MSI1: variants seen among roughly 807,000 people sequenced by gnomAD.
MSI1 encodes musashi RNA binding protein 1.
In MSI1, 15 loss-of-function variants were observed where a neutral mutation model predicts 54.4. The ratio of observed to expected loss-of-function variants is 0.28; its 90% CI spans 0.18 to 0.42. The LOEUF is 0.42. Among genes scored for constraint, MSI1 ranks in the 20% least tolerant of loss-of-function variants. The pLI is 1.00. For synonymous variants in MSI1, 200 were observed against 196.5 expected, an observed-to-expected ratio of 1.02 and a Z score of -0.15; for missense variants, 304 against 506.0, an observed-to-expected ratio of 0.60 and a Z score of 3.83.
intron 11 of MSI1, 143 bp downstream of exon 11, chr12:120,351,201 A>C (rs774229412): frequency 7.2e-6 from 6 of 832,942 alleles, no homozygotes; most frequent in Non-Finnish European, 1.2e-5. Context: ...GCCAGTGCCC[A>C]GGCACAGTCT....
At chr12:120,355,268 G>C (rs1159234395) in intron 9 of MSI1, among the ~76,000 whole-genome samples, 1 of 151,620 alleles carries the variant, frequency 6.6e-6, no homozygotes, top group African/African-American at 2.4e-5. Context: ...AGCTGGGCAC[G>C]GTGGCGGGCG....
chr12:120,369,050 G>A lies in MSI1; in HGVS notation c.42C>T (p.Asp14=). ...DAPQPGLASP[D]SPHDPCKMFI... is the part of the protein sequence containing the mutation. ...GGCCGTACCAGGGGTCGTGCGGCGA[G>A]TCCGGGGAGGCGAGGCCGGGCTGGG... Residue 14 remains aspartate, a synonymous_variant, in exon 1 of 15, where the codon GAC becomes GAT. Coordinates refer to ENST00000257552, the MANE Select transcript of MSI1 (RefSeq NM_002442.4). The A allele has an allele frequency of 9.7e-7, 1 of 1,031,350 alleles. No homozygotes were observed. Among genetic ancestry groups the A allele is most frequent in the Non-Finnish European group, 1.2e-6 (1 of 862,558 alleles). 63.9% of individuals were successfully genotyped at this position (1,031,350 alleles called of 1,614,324 possible). A position where few individuals can be genotyped will look rare whatever the true frequency, so the allele number is the denominator to read the frequency against.
intron 9 of MSI1, among the ~76,000 whole-genome samples, chr12:120,353,751 T>C (rs1430643406): frequency 6.6e-6 from 1 of 152,224 alleles, no homozygotes; most frequent in African/African-American, 2.4e-5. Flanking sequence ...GCTTCCTTGC[T>C]GTTTTTCAGC....
Position 120,368,492 on chromosome 12 carries a change from A to T in MSI1, c.101-219T>A, listed in dbSNP as rs1351959685. ...GAAGCCGAGGGCCGAGCTGGGCTGG[A>T]AGGGGGACGGCTCCGGCCGGGTTCC... On this transcript the variant is annotated intron_variant, in intron 2 of 14. Coordinates refer to ENST00000257552, the MANE Select transcript of MSI1 (RefSeq NM_002442.4). This position sits in a 1 kb window ranked among gnomAD's most constrained non-coding sequence, Gnocchi z 6.6. 6.6e-6 allele frequency among the ~76,000 whole-genome samples: 1 copy of T among 151,920 alleles called. No homozygotes were observed. Among genetic ancestry groups the T allele is most frequent in the Non-Finnish European group, 1.5e-5 (1 of 67,940 alleles).
At chr12:120,360,884 G>A (rs1328910174) in intron 6 of MSI1, among the ~76,000 whole-genome samples, 1 of 151,672 alleles carries the variant, frequency 6.6e-6, no homozygotes, top group Non-Finnish European at 1.5e-5. Flanking sequence ...TGAACTCCCA[G>A]GCTCAAGCAA....
intron 12 of MSI1, 148 bp downstream of exon 12, chr12:120,347,298 C>G (rs1003766237): frequency 1.1e-4 from 115 of 1,043,044 alleles, no homozygotes; most frequent in Non-Finnish European, 1.6e-4. Context: ...TGGCACGATG[C>G]CCAGCACAGA....
intron 7 of MSI1, among the ~76,000 whole-genome samples, chr12:120,358,475 G>C (rs1875332105): frequency 6.6e-6 from 1 of 152,196 alleles, no homozygotes; most frequent in South Asian, 2.1e-4. Flanking sequence ...GAAACAACTG[G>C]AGAAACAACC....
chr12:120,365,486 C>T (rs78137915), intron 4 of MSI1, among the ~76,000 whole-genome samples: 12 of 152,280 alleles, frequency 7.9e-5, no homozygotes, highest in African/African-American at 4.8e-5. Context: ...TCAGGTAAAT[C>T]GAGGGCCTTC....
intron 4 of MSI1, among the ~76,000 whole-genome samples, chr12:120,366,199 T>G (rs1876008049): frequency 6.6e-6 from 1 of 152,174 alleles, no homozygotes; most frequent in Admixed American, 6.5e-5. Context: ...AAGATCTATC[T>G]TTTCCCAAAG....
At chr12:120,359,405 C>G (rs772159948) in intron 6 of MSI1, among the ~76,000 whole-genome samples, 13 of 152,056 alleles carry the variant, frequency 8.5e-5, no homozygotes, top group Non-Finnish European at 1.9e-4. Context: ...AGAGAAGATG[C>G]TAGAGAAGGA....
chr12:120,352,503 T>C (rs928506265), intron 10 of MSI1, among the ~76,000 whole-genome samples: 32 of 152,044 alleles, frequency 2.1e-4, no homozygotes, highest in African/African-American at 7.5e-4. Context: ...CTTAGCTTTG[T>C]CATTCTTCCT....
At chr12:120,361,880 C>T (rs1022873782) in intron 6 of MSI1, among the ~76,000 whole-genome samples, 1 of 151,998 alleles carries the variant, frequency 6.6e-6, no homozygotes, top group African/African-American at 2.4e-5. Context: ...ACGGCTTCTC[C>T]TGGGGCCCGG....
rs1163210008 is a variant in MSI1 at position 120,368,912 on chromosome 12, G to T, written c.60-39C>A. ...AGAGACACAAAGGGCCCGCGTGAGC[G>T]CCGGGCGCCAGGGCGCAGGGGGCGC... is the stretch of plus-strand genomic sequence containing the variant. On this transcript the variant is annotated intron_variant, in intron 1 of 14. Transcript: ENST00000257552. The surrounding 1 kb of genome is among the most constrained non-coding windows in gnomAD (Gnocchi z 6.6). 3 of 1,360,498 alleles carry T rather than the reference G, an allele frequency of 2.2e-6. No individual in the cohort carries two copies. The highest frequency in any genetic ancestry group is 2.9e-6 in the Non-Finnish European group (3 of 1,038,240). The allele number at this position is 1,360,498 out of a possible 1,614,324, so 84.3% of individuals were successfully genotyped here. A position where few individuals can be genotyped will look rare whatever the true frequency, so the allele number is the denominator to read the frequency against.
intron 8 of MSI1, 92 bp from the exon 9 acceptor site, chr12:120,357,111 T>C (rs1472982967): frequency 1.6e-5 from 18 of 1,153,380 alleles, no homozygotes; most frequent in African/African-American, 3.1e-5. Context: ...ATTTTATTAA[T>C]TTCACTGTCC....
Position 120,368,761 on chromosome 12 carries a change from G to C in MSI1, c.100+72C>G. 1 of 1,296,676 alleles carries C rather than the reference G, an allele frequency of 7.7e-7. No individual in the cohort carries two copies. The highest frequency in any genetic ancestry group is 3.5e-5 in the East Asian group (1 of 28,432). The allele number at this position is 1,296,676 out of a possible 1,614,324, so 80.3% of individuals were successfully genotyped here. A position where few individuals can be genotyped will look rare whatever the true frequency, so the allele number is the denominator to read the frequency against. ...CAGCAGGGCGCAGGGCCGGGCTGGG[G>C]TGTCCGGGTCCGGGGCGCCGGGGGG... is the stretch of plus-strand genomic sequence containing the variant. On this transcript the variant is annotated intron_variant, in intron 2 of 14. Transcript: ENST00000257552. The surrounding 1 kb of genome is among the most constrained non-coding windows in gnomAD (Gnocchi z 6.6).
Position 120,359,048 on chromosome 12 carries a change from G to C in MSI1, c.408C>G (p.Asp136Glu). Residue 136 changes from aspartate (D) to glutamate (E), a missense_variant, in exon 7 of 15, where the codon GAC (aspartate) becomes GAG (glutamate). Transcript: ENST00000257552. ...KQYFEQFGKV[D>E]DAMLMFDKTT... is the part of the protein sequence containing the mutation. ...TTTTGTCAAACATCAGCATGGCGTC[G>C]TCCACCTGAAACACAGCCCGCCATG... The C allele has an allele frequency of 1.3e-6, 2 of 1,556,748 alleles. No homozygotes were observed. The highest frequency in any genetic ancestry group is 1.7e-6 in the Non-Finnish European group (2 of 1,149,826).
chr12:120,352,484 T>C (rs1266807197), intron 10 of MSI1, among the ~76,000 whole-genome samples: 1 of 152,068 alleles, frequency 6.6e-6, no homozygotes, highest in Non-Finnish European at 1.5e-5. Flanking sequence ...CACTTCCTAG[T>C]TGGCTCATCT....
intron 6 of MSI1, among the ~76,000 whole-genome samples, chr12:120,362,539 C>T (rs1875739801): frequency 1.3e-5 from 2 of 152,294 alleles, no homozygotes; most frequent in African/African-American, 2.4e-5. Flanking sequence ...CATCAGTTCC[C>T]CCCAATACCC....
rs1230372561 is a variant in MSI1, at chr12:120,353,343, C to T, written c.689G>A (p.Arg230Gln). 6.2e-7 allele frequency: 1 copy of T among 1,614,092 alleles called. No individual in the cohort carries two copies. The highest frequency in any genetic ancestry group is 8.5e-7 in the Non-Finnish European group (1 of 1,180,006). Reference sequence around the variant, plus strand: ...GCCAGGGGCGAGGCCTGTATAACTCCGGCTGGCGTAGGTTGTGGCTTGGAA... The same window carrying T: ...GCCAGGGGCGAGGCCTGTATAACTCTGGCTGGCGTAGGTTGTGGCTTGGAA... Reference protein sequence around the residue: ...PGFQATTYASRSYTGLAPGYT... With the variant: ...PGFQATTYASQSYTGLAPGYT... The change falls in exon 10 of 15, where the codon CGG (arginine) becomes CAG (glutamine). Residue 230 changes from arginine to glutamine, a missense_variant. By Grantham distance (43) the Arg-to-Gln change is conservative. Coordinates refer to ENST00000257552, the MANE Select transcript of MSI1 (RefSeq NM_002442.4).
Sources: allele counts gnomAD v4.1 joint callset (sites outside exome capture counted in the v4.1 genomes callset), GRCh38; gene constraint gnomAD v4.1.1; non-coding constraint Gnocchi (gnomAD v3.1); transcripts MANE v1.5; gene names NCBI Gene and HGNC (gene_info 2026-07-23, HGNC 2026-07-21).